MAPK10: variants seen among roughly 807,000 people sequenced by gnomAD.
MAPK10 encodes mitogen-activated protein kinase 10.
Under a neutral mutation model 59.3 loss-of-function variants are expected in MAPK10, and 25 were observed. The ratio of observed to expected loss-of-function variants is 0.42; its 90% CI spans 0.31 to 0.59. The LOEUF is 0.59. MAPK10 is among the 20% of genes least tolerant of loss of function. The pLI is 0.15. For synonymous variants in MAPK10, 190 were observed against 200.5 expected, an observed-to-expected ratio of 0.95 and a Z score of 0.44; for missense variants, 351 against 568.9, an observed-to-expected ratio of 0.62 and a Z score of 3.90.
intron 1 of MAPK10, among the ~76,000 whole-genome samples, chr4:86,531,155 TA>T (rs1757822496): frequency 6.6e-6 from 1 of 152,210 alleles, no homozygotes; most frequent in African/African-American, 2.4e-5. Context: ...GGGGATTTAC[TA>T]AAAAATTTTC....
intron 3 of MAPK10, among the ~76,000 whole-genome samples, chr4:86,171,421 T>C (rs370626776): frequency 0.083 from 12,474 of 151,102 alleles, 1,148 homozygotes; most frequent in African/African-American, 0.23. Flanking sequence ...GAAATAACGC[T>C]GCATATCTAC....
At chr4:86,196,048 T>C (rs922983460) in intron 2 of MAPK10, among the ~76,000 whole-genome samples, 2 of 152,226 alleles carry the variant, frequency 1.3e-5, no homozygotes, top group Non-Finnish European at 2.9e-5. Flanking sequence ...TATGTCTTTA[T>C]AGAAGAATGA....
At position 86,505,805 on chromosome 4, in the gene MAPK10, T is replaced by C. The variant is rs1301304257; in HGVS notation, c.-263+88105A>G. Among the ~76,000 whole-genome samples, 5 of 152,116 alleles carry C rather than the reference T, an allele frequency of 3.3e-5. No individual in the cohort carries two copies. The East Asian group carries it at 9.6e-4, about 29-fold the overall frequency. On this transcript the variant is annotated intron_variant, in intron 1 of 4. Transcript: ENST00000502302. ...CAAACCTATAGGCCAATTTAAATTGTACTCATTTTCAAATTTCTTTAGGTC... is the reference window on the plus strand; with the variant it reads ...CAAACCTATAGGCCAATTTAAATTGCACTCATTTTCAAATTTCTTTAGGTC...
chr4:86,544,295 C>A lies in MAPK10; in HGVS notation c.-263+49615G>T, dbSNP rs144428845. ...AGATAACATAGAAAGGATAAAAGTC[C>A]CTCAAATTAAAAACAAAAAGGCATC... On this transcript the variant is annotated intron_variant, in intron 1 of 4. Coordinates refer to the MAPK10 transcript ENST00000502302. Among the ~76,000 whole-genome samples the A allele has an allele frequency of 3.3e-3, 509 of 152,132 alleles. 1 individual carries two copies. Among genetic ancestry groups the A allele is most frequent in the African/African-American group, 0.012 (492 of 41,492 alleles).
intron 1 of MAPK10, among the ~76,000 whole-genome samples, chr4:86,497,280 T>C (rs1372417534): frequency 3.9e-5 from 6 of 152,206 alleles, no homozygotes; most frequent in African/African-American, 1.4e-4. Flanking sequence ...GCCTGGAAGA[T>C]TCTAAAAGCA....
rs1554253764 is a variant in MAPK10, at chr4:86,372,564, G to GAAAGGAAAAGAAAAGA, written c.-121-17921_-121-17920insTCTTTTCTTTTCCTTT. Among the ~76,000 whole-genome samples the GAAAGGAAAAGAAAAGA allele has an allele frequency of 8.3e-3, 654 of 78,688 alleles. 16 individuals are homozygous for GAAAGGAAAAGAAAAGA. The highest frequency in any genetic ancestry group is 0.014 in the African/African-American group (320 of 22,570). 51.6% of individuals were successfully genotyped at this position (78,688 alleles called of 152,430 possible). ...AGAAAGAAAGAAAGAAAGAAAGAAA[G>GAAAGGAAAAGAAAAGA]AAAGAAAAGAAAAGAAAAGAAAAGA... On this transcript the variant is annotated intron_variant, in intron 1 of 13. Coordinates refer to the MAPK10 transcript ENST00000361569.
intron 2 of MAPK10, among the ~76,000 whole-genome samples, chr4:86,209,601 T>C (rs145956490): frequency 1.3e-5 from 2 of 152,022 alleles, no homozygotes; most frequent in African/African-American, 2.4e-5. Flanking sequence ...TTTCAGTTTT[T>C]ACATTGATGA....
At chr4:86,262,571 G>A (rs1671243759) in intron 2 of MAPK10, among the ~76,000 whole-genome samples, 1 of 152,290 alleles carries the variant, frequency 6.6e-6, no homozygotes, top group African/African-American at 2.4e-5. Context: ...CTCCTAGTGT[G>A]TACTGAACCT....
chr4:86,456,413 G>C (rs990672047), upstream of MAPK10, among the ~76,000 whole-genome samples: 6 of 152,038 alleles, frequency 3.9e-5, no homozygotes, highest in African/African-American at 1.4e-4. Context: ...CCATTAGCAA[G>C]ATTAACCAAG....
chr4:86,437,349 G>T (rs557050512), intron 1 of MAPK10, among the ~76,000 whole-genome samples: 17 of 151,894 alleles, frequency 1.1e-4, no homozygotes, highest in African/African-American at 4.1e-4. Flanking sequence ...TTTATCAAAT[G>T]CTTTTTTTCT....
chr4:86,167,877 G>C (rs567131230), intron 3 of MAPK10, among the ~76,000 whole-genome samples: 1 of 152,114 alleles, frequency 6.6e-6, no homozygotes, highest in Non-Finnish European at 1.5e-5. Context: ...TTTCTGACCA[G>C]GGCAATCAGG....
At chr4:86,511,958 T>C (rs1383244638) in intron 1 of MAPK10, among the ~76,000 whole-genome samples, 1 of 151,230 alleles carries the variant, frequency 6.6e-6, no homozygotes, top group African/African-American at 2.4e-5. Context: ...TAACTAAAGT[T>C]GATTAATTAA....
At position 86,426,357 on chromosome 4, in the gene MAPK10, G is replaced by A. The variant is rs116387165; in HGVS notation, c.-122+26673C>T. On this transcript the variant is annotated intron_variant, in intron 1 of 13. Transcript: ENST00000361569. ...CAGATTGTGAACTTTACCCTAACATGCAAATTCCCAACTAAGATGCTGTTT... is the reference window on the plus strand; with the variant it reads ...CAGATTGTGAACTTTACCCTAACATACAAATTCCCAACTAAGATGCTGTTT... 5.9e-3 allele frequency among the ~76,000 whole-genome samples: 896 copies of A among 152,256 alleles called. 7 individuals carry two copies. The highest frequency in any genetic ancestry group is 0.019 in the African/African-American group (800 of 41,546).
intron 12 of MAPK10, 127 bp from the exon 13 acceptor site, chr4:86,029,401 T>C: frequency 6.4e-6 from 4 of 629,852 alleles, no homozygotes. Flanking sequence ...TTGAGATTCC[T>C]TTACTGCTCT....
intron 1 of MAPK10, among the ~76,000 whole-genome samples, chr4:86,444,762 T>G (rs548095289): frequency 2.3e-4 from 34 of 147,884 alleles, no homozygotes; most frequent in Non-Finnish European, 4.2e-4. Context: ...GCAAAGGACA[T>G]GAACAGACAC....
intron 2 of MAPK10, among the ~76,000 whole-genome samples, chr4:86,336,862 C>T (rs1468323279): frequency 4.2e-5 from 6 of 144,232 alleles, no homozygotes; most frequent in Non-Finnish European, 8.9e-5. Context: ...GCGATCTCAG[C>T]TCGCTGCAAG....
intron 1 of MAPK10, among the ~76,000 whole-genome samples, chr4:86,415,068 G>A (rs945231442): frequency 1.3e-4 from 19 of 151,500 alleles, no homozygotes; most frequent in African/African-American, 4.4e-4. Flanking sequence ...TGACCCTGGA[G>A]GTCGAGGCTG....
chr4:86,040,561 A>T (rs1191732166), intron 11 of MAPK10, among the ~76,000 whole-genome samples: 1 of 152,202 alleles, frequency 6.6e-6, no homozygotes, highest in Non-Finnish European at 1.5e-5. Flanking sequence ...AAGTATGTTT[A>T]AGGAAATAAT....
chr4:86,369,742 A>G (rs556943611), intron 1 of MAPK10, among the ~76,000 whole-genome samples: 2 of 152,362 alleles, frequency 1.3e-5, no homozygotes, highest in South Asian at 4.1e-4. Context: ...TGCAATGATA[A>G]TAGTAGTTAA....
Sources: allele counts gnomAD v4.1 joint callset (sites outside exome capture counted in the v4.1 genomes callset), GRCh38; gene constraint gnomAD v4.1.1; transcripts MANE v1.5; gene names NCBI Gene and HGNC (gene_info 2026-07-23, HGNC 2026-07-21).